TACC1: variants seen among roughly 807,000 people sequenced by gnomAD.
TACC1 encodes transforming acidic coiled-coil-containing protein 1.
In TACC1, 48 loss-of-function variants were observed where a neutral mutation model predicts 84.4. That is an observed-to-expected ratio of 0.57 (90% CI 0.45 to 0.72). The LOEUF is 0.72. Among genes scored for constraint, TACC1 ranks in the 30% least tolerant of loss-of-function variants. The probability of loss-of-function intolerance (pLI) is 0.00; values close to 1 mark genes in which losing one functional copy is unlikely to be tolerated. For synonymous variants in TACC1, 372 were observed against 376.3 expected (o/e 0.99, Z 0.13); for missense variants, 920 against 973.0 (o/e 0.95, Z 0.72).
chr8:38,768,694 T>G (rs1007811903), intron 3 of TACC1, among the ~76,000 whole-genome samples: 22 of 151,046 alleles, frequency 1.5e-4, no homozygotes, highest in African/African-American at 4.9e-4. Flanking sequence ...AGAGAGAGAC[T>G]TTGAGGGGTA....
At position 38,787,700 on chromosome 8, in the gene TACC1, G is replaced by A. The variant is rs927768248; in HGVS notation, c.118G>A (p.Glu40Lys). The change falls in exon 1 of 13, where the codon GAG (glutamate) becomes AAG (lysine). Residue 40 changes from glutamate to lysine, a missense_variant. Transcript: ENST00000317827. ...GGCTGGCGGGCCCGAGGGCGACCCC[G>A]AGGAGGAGGATTCGCAAGCCGAGAC... ...DEAGGPEGDP[E>K]EEDSQAETKS... 5 of 1,537,402 alleles carry A rather than the reference G, an allele frequency of 3.3e-6. No individual in the cohort carries two copies. Among genetic ancestry groups the A allele is most frequent in the Non-Finnish European group, 4.4e-6 (5 of 1,148,402 alleles).
At chr8:38,831,817 T>G (rs1340686490) in intron 6 of TACC1, among the ~76,000 whole-genome samples, 2 of 151,782 alleles carry the variant, frequency 1.3e-5, no homozygotes, top group East Asian at 3.9e-4. Context: ...TTCTTTTTTT[T>G]TTTTTTGAGA....
intron 3 of TACC1, among the ~76,000 whole-genome samples, chr8:38,773,849 A>G (rs983119639): frequency 2.0e-4 from 31 of 152,224 alleles, no homozygotes; most frequent in African/African-American, 7.2e-4. Context: ...AAAGAGGGAA[A>G]AAAGGGTATA....
In TACC1 at chr8:38,820,337, G is replaced by C; in HGVS notation, c.1093G>C (p.Glu365Gln). Residue 365 changes from glutamate to glutamine, a missense_variant, in exon 3 of 13, where the codon GAA (glutamate) becomes CAA (glutamine). Glu to Gln is a conservative substitution (Grantham distance 29). This residue lies in a region of TACC1 where 762 missense variants were observed against 747.3 expected (regional missense o/e 1.02). Transcript: ENST00000317827. ...TGGCATCAGTAAGTCAGCAGGTTTA[G>C]AACAGCCTACAGACCCAGTGGCACG... The part of the protein sequence containing the change: ...KDGISKSAGL[E>Q]QPTDPVARDG... 6.2e-7 allele frequency: 1 copy of C among 1,614,114 alleles called. No individual in the cohort carries two copies. The highest frequency in any genetic ancestry group is 8.5e-7 in the Non-Finnish European group (1 of 1,180,020).
At chr8:38,791,541 C>G (rs1055377737) in intron 2 of TACC1, among the ~76,000 whole-genome samples, 1 of 152,160 alleles carries the variant, frequency 6.6e-6, no homozygotes, top group African/African-American at 2.4e-5. Context: ...GCAAAGACAG[C>G]CAGAGCACAG....
At chr8:38,780,776 C>A (rs1239993093) in intron 3 of TACC1, among the ~76,000 whole-genome samples, 1 of 152,120 alleles carries the variant, frequency 6.6e-6, no homozygotes, top group Non-Finnish European at 1.5e-5. Context: ...GGTGGTATTG[C>A]CATCTTAGCA....
At chr8:38,799,891 T>C (rs1820947781) in intron 2 of TACC1, 1 of 152,260 alleles carries the variant, frequency 6.6e-6, no homozygotes, top group Non-Finnish European at 1.5e-5. Flanking sequence ...ACTTTGGATG[T>C]GTGTGCTGGC....
chr8:38,836,674 A>G (rs1830305370), intron 7 of TACC1, among the ~76,000 whole-genome samples: 1 of 152,202 alleles, frequency 6.6e-6, no homozygotes, highest in Non-Finnish European at 1.5e-5. Flanking sequence ...GTTGTTTCCT[A>G]CTTTCATCCA....
chr8:38,742,487 T>C, intron 2 of TACC1: 1 of 1,476,396 alleles, frequency 6.8e-7, no homozygotes, highest in Non-Finnish European at 9.1e-7. Flanking sequence ...ATACCTGGGA[T>C]GGATTTTAAA....
rs992786926 is a variant in TACC1 at position 38,775,651 on chromosome 8, C to T, written c.27-13053C>T. ...ACCTAATCACCTCCCAAAGGCCCCA[C>T]TTCTTAATATTCTCACATTGGAGTT... is the stretch of plus-strand genomic sequence containing the variant. On this transcript the variant is annotated intron_variant, in intron 3 of 14. Transcript: ENST00000518415. Among the ~76,000 whole-genome samples, 5 of 152,292 alleles carry T rather than the reference C, an allele frequency of 3.3e-5. No homozygotes were observed. In the South Asian group the frequency reaches 1.0e-3, roughly 32 times the overall value.
At chr8:38,813,756 T>G (rs1045579572) in intron 2 of TACC1, among the ~76,000 whole-genome samples, 1 of 152,200 alleles carries the variant, frequency 6.6e-6, no homozygotes, top group African/African-American at 2.4e-5. Flanking sequence ...TCAGAAGGGT[T>G]TATGTGTTTG....
Position 38,787,536 on chromosome 8 carries a change from C to A in TACC1, c.-47C>A. 1 of 1,485,708 alleles carries A rather than the reference C, an allele frequency of 6.7e-7. No homozygotes were observed. The highest frequency in any genetic ancestry group is 8.9e-7 in the Non-Finnish European group (1 of 1,122,632). The allele number at this position is 1,485,708 out of a possible 1,614,324, so 92.0% of individuals were successfully genotyped here. On this transcript the variant is annotated 5_prime_UTR_variant, in exon 1 of 13. Coordinates refer to ENST00000317827, the MANE Select transcript of TACC1 (RefSeq NM_006283.3). ...TTTTGAAAGGGAAAAAGGCTCTCCC[C>A]ACCCATTCCCCTGCCCCTAGGAGCT... is the stretch of plus-strand genomic sequence containing the variant.
At chr8:38,757,932 A>G (rs1248908542) in intron 3 of TACC1, among the ~76,000 whole-genome samples, 1 of 152,178 alleles carries the variant, frequency 6.6e-6, no homozygotes, top group Non-Finnish European at 1.5e-5. Context: ...TTGTAGCAGC[A>G]GCAATTAGGC....
intron 1 of TACC1, among the ~76,000 whole-genome samples, chr8:38,731,219 G>A (rs537387477): frequency 2.6e-5 from 4 of 152,190 alleles, no homozygotes; most frequent in South Asian, 2.1e-4. Flanking sequence ...GATTACAGGC[G>A]TGAGCCACTG....
rs759621226 is a variant in TACC1, at chr8:38,788,729, A to G, written c.187A>G (p.Thr63Ala). 1 of 1,613,152 alleles carries G rather than the reference A, an allele frequency of 6.2e-7. No homozygotes were observed. The highest frequency in any genetic ancestry group is 1.1e-5 in the South Asian group (1 of 90,938). ...FSSDSEGNFE[T>A]PEAETPIRSP... ...CTCGGATTCTGAAGGTAATTTTGAG[A>G]CTCCTGAAGCTGAAACCCCGATCCG... is the stretch of plus-strand genomic sequence containing the variant. The change falls in exon 2 of 13, where the codon ACT (threonine) becomes GCT (alanine). Residue 63 changes from threonine to alanine, a missense_variant. Thr to Ala is a moderately conservative substitution (Grantham distance 58, BLOSUM62 0). Transcript: ENST00000317827.
At chr8:38,784,673 C>G (rs926854717), upstream of TACC1, among the ~76,000 whole-genome samples, 1 of 152,182 alleles carries the variant, frequency 6.6e-6, no homozygotes. Flanking sequence ...TAGATTTCCC[C>G]AGGGGGAGTC....
At chr8:38,806,122 G>C (rs920607624) in intron 2 of TACC1, among the ~76,000 whole-genome samples, 2 of 152,184 alleles carry the variant, frequency 1.3e-5, no homozygotes, top group African/African-American at 4.8e-5. Context: ...AATTCTATCT[G>C]TTTGAGATAC....
At chr8:38,820,707 G>A in intron 3 of TACC1, 72 bp downstream of exon 3, 1 of 1,542,046 alleles carries the variant, frequency 6.5e-7, no homozygotes, top group Non-Finnish European at 8.7e-7. Flanking sequence ...GCTACTTTTG[G>A]CTTTGGTGAA....
intron 11 of TACC1, chr8:38,846,283 CAAAAAAAAAA>C (rs538545237): frequency 0.028 from 1,644 of 59,638 alleles, 17 homozygotes; most frequent in Middle Eastern, 0.066. Context: ...GACTCCATCT[CAAAAAAAAAA>C]AAAAAAAAAA....
Sources: gnomAD v4.1 joint callset for allele counts (sites outside exome capture counted in the v4.1 genomes callset) on GRCh38, gnomAD v4.1.1 for gene constraint, gnomAD v4.1.1 regional missense constraint, MANE v1.5 for transcripts, NCBI Gene and HGNC (gene_info 2026-07-23, HGNC 2026-07-21) for gene names.